The following TTC12 variants were observed in gnomAD, a reference collection of about 807,000 sequenced individuals.
TTC12 encodes the protein tetratricopeptide repeat protein 12.
Under a neutral mutation model 90.1 loss-of-function variants are expected in TTC12, and 70 were observed. The ratio of observed to expected loss-of-function variants is 0.78; its 90% CI spans 0.64 to 0.95. TTC12 has a LOEUF of 0.95. TTC12 is among the 40% of genes least tolerant of loss of function. The pLI is 0.00. For synonymous variants in TTC12, 296 were observed against 311.5 expected (o/e 0.95, Z 0.53); for missense variants, 819 against 846.1 (o/e 0.97, Z 0.40).
In TTC12 at chr11:113,323,102, C is replaced by CA. The variant is rs34496236; in HGVS notation, c.59-167dup. Among the ~76,000 whole-genome samples the CA allele has an allele frequency of 0.27, 21,253 of 79,196 alleles. 1,861 individuals carry two copies. Among genetic ancestry groups the CA allele is most frequent in the South Asian group, 0.37 (866 of 2,334 alleles). The allele number at this position is 79,196 out of a possible 152,430, so 52.0% of individuals were successfully genotyped here. On this transcript the variant is annotated intron_variant, in intron 2 of 21. Coordinates refer to ENST00000529221, the MANE Select transcript of TTC12 (RefSeq NM_017868.4). ...ATACTCACCTGCAACTTTTTCTAGG[C>CA]AAAAAAAAAAAAAAAAAAACCTGTT...
chr11:113,331,995 G>T (rs1948094911), intron 7 of TTC12, among the ~76,000 whole-genome samples: 1 of 152,212 alleles, frequency 6.6e-6, no homozygotes, highest in Non-Finnish European at 1.5e-5. Context: ...AATAGTGAAT[G>T]TCACTGGCAC....
intron 20 of TTC12, chr11:113,364,497 T>C (rs1565632023): frequency 3.1e-6 from 1 of 323,726 alleles, no homozygotes; most frequent in Non-Finnish European, 6.0e-6. Flanking sequence ...ACCTGGGGGC[T>C]GTCAGATAAG....
intron 12 of TTC12, 132 bp from the exon 13 acceptor site, chr11:113,344,140 A>T: frequency 9.5e-7 from 1 of 1,048,762 alleles, no homozygotes; most frequent in Non-Finnish European, 1.4e-6. Context: ...TAGAATCCAC[A>T]CTCTTACACT....
intron 13 of TTC12, 23 bp from the exon 14 acceptor site, chr11:113,350,050 G>A (rs1555149484): frequency 5.6e-6 from 9 of 1,596,796 alleles, no homozygotes; most frequent in Non-Finnish European, 7.7e-6. Context: ...AGCTACCTCT[G>A]AGGTTATTAT....
chr11:113,320,483 C>T (rs1555137843), intron 2 of TTC12, among the ~76,000 whole-genome samples: 2 of 152,136 alleles, frequency 1.3e-5, no homozygotes, highest in Non-Finnish European at 1.5e-5. Context: ...GGCCAGGCTC[C>T]AGGGGAAGAT....
At chr11:113,343,052 A>G (rs116999898) in intron 12 of TTC12, among the ~76,000 whole-genome samples, 1,704 of 152,354 alleles carry the variant, frequency 0.011, 21 homozygotes, top group Non-Finnish European at 0.017. Context: ...ATCACAGGTC[A>G]ATAAAATCTT....
intron 9 of TTC12, among the ~76,000 whole-genome samples, 160 bp downstream of exon 9, chr11:113,338,994 CCT>C (rs1474678154): frequency 6.6e-6 from 1 of 152,118 alleles, no homozygotes; most frequent in Non-Finnish European, 1.5e-5. Context: ...CCACTCTGCT[CCT>C]CTGTTTGCTG....
chr11:113,327,273 A>G (rs1555141340), intron 6 of TTC12, among the ~76,000 whole-genome samples: 1 of 152,242 alleles, frequency 6.6e-6, no homozygotes, highest in Non-Finnish European at 1.5e-5. Flanking sequence ...TGAGGGAGTG[A>G]TTCCTCTCAG....
intron 3 of TTC12, 129 bp from the exon 4 acceptor site, chr11:113,323,865 T>C (rs1399578596): frequency 2.2e-5 from 15 of 691,990 alleles, no homozygotes; most frequent in Non-Finnish European, 3.6e-5. Context: ...TTCTGAGCCC[T>C]TCAGTTTTGA....
chr11:113,329,819 G>A, intron 6 of TTC12, 101 bp from the exon 7 acceptor site: 2 of 991,118 alleles, frequency 2.0e-6, no homozygotes, highest in Non-Finnish European at 3.2e-6. Context: ...GTAGGGGATA[G>A]TTCTCGCTGA....
intron 13 of TTC12, among the ~76,000 whole-genome samples, chr11:113,345,187 A>G (rs981195664): frequency 3.9e-5 from 6 of 152,332 alleles, no homozygotes; most frequent in Admixed American, 3.3e-4. Flanking sequence ...ATGTGGTTCA[A>G]TCTAACAGAA....
At chr11:113,341,533 G>C (rs1421229859) in intron 11 of TTC12, 1 of 377,054 alleles carries the variant, frequency 2.7e-6, no homozygotes, top group Non-Finnish European at 4.9e-6. Context: ...GGATACCCGT[G>C]TGGGTTGGAG....
chr11:113,356,306 A>G (rs1949632842), intron 16 of TTC12, among the ~76,000 whole-genome samples: 1 of 152,082 alleles, frequency 6.6e-6, no homozygotes, highest in Non-Finnish European at 1.5e-5. Context: ...ATTTTTCTCC[A>G]TCCTGTTATT....
downstream of TTC12, among the ~76,000 whole-genome samples, chr11:113,370,859 T>C (rs2138101280): frequency 6.6e-6 from 1 of 152,324 alleles, no homozygotes; most frequent in Non-Finnish European, 1.5e-5. Context: ...CATCACTCCA[T>C]TGTCACATCT....
At chr11:113,356,270 T>C (rs1949630028) in intron 16 of TTC12, among the ~76,000 whole-genome samples, 1 of 152,218 alleles carries the variant, frequency 6.6e-6, no homozygotes, top group Non-Finnish European at 1.5e-5. Context: ...CGCCTGCTTT[T>C]TTTCTGTTTT....
downstream of TTC12, chr11:113,366,500 G>A (rs1277830909): frequency 8.5e-6 from 7 of 821,580 alleles, no homozygotes; most frequent in South Asian, 5.8e-5. Context: ...TGGCTTACTC[G>A]ACTTCCATTG....
At chr11:113,327,120 A>G (rs1160863294) in intron 6 of TTC12, among the ~76,000 whole-genome samples, 11 of 152,250 alleles carry the variant, frequency 7.2e-5, no homozygotes, top group African/African-American at 2.7e-4. Context: ...AATTTCAGAC[A>G]TATCTAATTC....
intron 13 of TTC12, 149 bp downstream of exon 13, chr11:113,344,589 A>T: frequency 1.2e-6 from 1 of 806,290 alleles, no homozygotes; most frequent in Admixed American, 3.1e-5. Context: ...TGTCATGAGG[A>T]CCTCTGGGAC....
chr11:113,323,765 C>T (rs1947506496), intron 3 of TTC12, among the ~76,000 whole-genome samples: 1 of 152,104 alleles, frequency 6.6e-6, no homozygotes, highest in Non-Finnish European at 1.5e-5. Flanking sequence ...AGCTGAGGTC[C>T]CTTGACCTGG....
Sources: gnomAD v4.1 joint callset for allele counts (sites outside exome capture counted in the v4.1 genomes callset) on GRCh38, gnomAD v4.1.1 for gene constraint, MANE v1.5 for transcripts, NCBI Gene and HGNC (gene_info 2026-07-23, HGNC 2026-07-21) for gene names.